The following SDK1 variants were observed in gnomAD, a reference collection of about 807,000 sequenced individuals.
SDK1 encodes the protein protein sidekick-1.
Under a neutral mutation model 245.5 loss-of-function variants are expected in SDK1, and 157 were observed. The ratio of observed to expected loss-of-function variants is 0.64; its 90% confidence interval spans 0.56 to 0.73. The LOEUF (loss-of-function observed/expected upper bound fraction) is 0.73. Ranked by LOEUF, SDK1 falls within the 30% of genes least tolerant of loss-of-function variation. The pLI is 0.00. For missense variants in SDK1, 3,583 were observed against 3,002.3 expected, an observed-to-expected ratio of 1.19 and a Z score of -4.52; for synonymous variants, 1,647 against 1,278.5, an observed-to-expected ratio of 1.29 and a Z score of -6.15.
chr7:3,673,330 A>T (rs1783779949), intron 4 of SDK1, among the ~76,000 whole-genome samples: 2 of 152,206 alleles, frequency 1.3e-5, no homozygotes. Flanking sequence ...GGAGAGCTAG[A>T]CAGTGTCAAT....
intron 15 of SDK1, among the ~76,000 whole-genome samples, chr7:4,011,489 C>T (rs544532503): frequency 6.6e-6 from 1 of 152,336 alleles, no homozygotes; most frequent in African/African-American, 2.4e-5. Flanking sequence ...CAAGTCAACA[C>T]CTAGCATGCT....
At chr7:4,008,163 AT>A (rs947467065) in intron 14 of SDK1, among the ~76,000 whole-genome samples, 1 of 152,126 alleles carries the variant, frequency 6.6e-6, no homozygotes, top group Admixed American at 6.5e-5. Context: ...TTTGTGACTT[AT>A]TTCATGTAGT....
intron 12 of SDK1, 115 bp downstream of exon 12, chr7:3,971,683 C>G: frequency 1.3e-6 from 1 of 767,172 alleles, no homozygotes; most frequent in Non-Finnish European, 2.2e-6. Flanking sequence ...CAGCAGGTCC[C>G]TGATTACGGT....
At chr7:4,114,301 G>A in intron 25 of SDK1, 27 bp downstream of exon 25, 2 of 1,542,986 alleles carry the variant, frequency 1.3e-6, no homozygotes, top group Non-Finnish European at 1.8e-6. Context: ...TCCCATCCTG[G>A]AGACACCGCA....
intron 5 of SDK1, among the ~76,000 whole-genome samples, chr7:3,924,312 C>T (rs1583571282): frequency 1.3e-5 from 2 of 152,110 alleles, no homozygotes; most frequent in East Asian, 3.9e-4. Flanking sequence ...GAACTGTAGG[C>T]TCTCATTTTC....
intron 28 of SDK1, among the ~76,000 whole-genome samples, chr7:4,137,902 A>AG (rs1779201473): frequency 6.6e-6 from 1 of 152,190 alleles, no homozygotes; most frequent in South Asian, 2.1e-4. Context: ...ACTGCTACTC[A>AG]GCTGCTCCTT....
chr7:4,248,694 A>G (rs1787081298), intron 44 of SDK1, among the ~76,000 whole-genome samples: 1 of 152,108 alleles, frequency 6.6e-6, no homozygotes, highest in Non-Finnish European at 1.5e-5. Flanking sequence ...GCACACACAT[A>G]CATGCACACA....
At chr7:4,215,738 G>A (rs571350964) in intron 38 of SDK1, among the ~76,000 whole-genome samples, 2 of 152,332 alleles carry the variant, frequency 1.3e-5, no homozygotes, top group South Asian at 2.1e-4. Flanking sequence ...AGGTACAGCA[G>A]GTGAGGAGTC....
chr7:3,361,845 C>G (rs181219014), intron 1 of SDK1, among the ~76,000 whole-genome samples: 62 of 152,130 alleles, frequency 4.1e-4, no homozygotes, highest in African/African-American at 1.3e-3. Context: ...ATTTAAAGTG[C>G]TATACTAATA....
intron 1 of SDK1, among the ~76,000 whole-genome samples, chr7:3,488,839 A>G (rs946174402): frequency 6.6e-6 from 1 of 151,928 alleles, no homozygotes; most frequent in African/African-American, 2.4e-5. Context: ...TCTCAGGATG[A>G]CACTCACATG....
chr7:3,580,987 A>AC, intron 1 of SDK1, among the ~76,000 whole-genome samples: 1 of 139,182 alleles, frequency 7.2e-6, no homozygotes, highest in African/African-American at 2.6e-5. Flanking sequence ...AAAAAAAAAA[A>AC]AAAAAAACCA....
At chr7:3,351,450 A>T (rs560993636) in intron 1 of SDK1, among the ~76,000 whole-genome samples, 3 of 152,304 alleles carry the variant, frequency 2.0e-5, no homozygotes, top group East Asian at 1.9e-4. Context: ...CTATAAATTC[A>T]AGTGTCAGTA....
At chr7:3,301,937 G>T in intron 1 of SDK1, 53 bp downstream of exon 1, 1 of 1,090,818 alleles carries the variant, frequency 9.2e-7, no homozygotes, top group Non-Finnish European at 1.1e-6. Flanking sequence ...GCGCGGAGGC[G>T]CGAACTTGAG....
intron 1 of SDK1, among the ~76,000 whole-genome samples, chr7:3,602,058 T>A (rs1040354053): frequency 6.6e-6 from 1 of 152,042 alleles, no homozygotes; most frequent in African/African-American, 2.4e-5. Context: ...GTGCCACATT[T>A]TCTTAATCCA....
intron 29 of SDK1, 28 bp from the exon 30 acceptor site, chr7:4,149,234 T>C (rs769337026): frequency 6.8e-7 from 1 of 1,475,852 alleles, no homozygotes; most frequent in East Asian, 2.6e-5. Context: ...CTCTCACATG[T>C]CCCTGGTCTG....
chr7:3,659,118 G>T (rs145049765), intron 4 of SDK1, among the ~76,000 whole-genome samples: 1 of 151,976 alleles, frequency 6.6e-6, no homozygotes, highest in Non-Finnish European at 1.5e-5. Flanking sequence ...TGTCTTTTTC[G>T]CTTTCTTTTT....
chr7:4,208,662 G>T (rs1298528985), intron 37 of SDK1, among the ~76,000 whole-genome samples: 1 of 152,218 alleles, frequency 6.6e-6, no homozygotes, highest in Non-Finnish European at 1.5e-5. Context: ...CTGATGGCAT[G>T]TCCAGATCCT....
intron 7 of SDK1, among the ~76,000 whole-genome samples, chr7:3,953,255 C>A (rs903274763): frequency 2.6e-5 from 4 of 152,282 alleles, no homozygotes; most frequent in African/African-American, 9.6e-5. Flanking sequence ...TGATCACGTC[C>A]CATTCCTTTA....
At chr7:3,764,025 A>G (rs950472343) in intron 4 of SDK1, among the ~76,000 whole-genome samples, 3 of 152,196 alleles carry the variant, frequency 2.0e-5, no homozygotes, top group African/African-American at 7.2e-5. Context: ...GCCATAGAAA[A>G]TACAGCCTTG....
Sources: gnomAD v4.1 joint callset for allele counts (sites outside exome capture counted in the v4.1 genomes callset) on GRCh38, gnomAD v4.1.1 for gene constraint, MANE v1.5 for transcripts, NCBI Gene and HGNC (gene_info 2026-07-23, HGNC 2026-07-21) for gene names.